Variants in FAT4 observed in about 807,000 individuals in gnomAD.
FAT4 encodes protocadherin Fat 4.
A neutral mutation model predicts 303.9 loss-of-function variants in FAT4; 84 were observed. That is an observed-to-expected ratio of 0.28 (90% CI 0.23 to 0.33). FAT4 has a LOEUF of 0.33. FAT4 is among the 10% of genes least tolerant of loss of function. The pLI is 1.00. For missense variants in FAT4, 6,005 were observed against 6,146.8 expected (o/e 0.98, Z 0.77); for synonymous variants, 2,307 against 2,298.8 (o/e 1.00, Z -0.10).
chr4:125,365,122 C>T (rs1361886097), intron 2 of FAT4, among the ~76,000 whole-genome samples: 1 of 152,152 alleles, frequency 6.6e-6, no homozygotes, highest in African/African-American at 2.4e-5. Flanking sequence ...GGCTTAGTTT[C>T]TGCCTTGAGC....
At chr4:125,425,483 C>A (rs1036171778) in intron 7 of FAT4, among the ~76,000 whole-genome samples, 1 of 152,006 alleles carries the variant, frequency 6.6e-6, no homozygotes, top group African/African-American at 2.4e-5. Context: ...GTTTAGGAAG[C>A]AAAAAATCTT....
At chr4:125,453,667 C>G (rs1349380127) in intron 10 of FAT4, among the ~76,000 whole-genome samples, 2 of 151,162 alleles carry the variant, frequency 1.3e-5, no homozygotes, top group East Asian at 3.9e-4. Flanking sequence ...GATCGCGTCA[C>G]TGCACTCCAG....
Position 125,320,843 on chromosome 4 carries a change from A to C in FAT4, c.4432A>C (p.Ile1478Leu), listed in dbSNP as rs200565115. 275 of 1,614,074 alleles carry C rather than the reference A, an allele frequency of 1.7e-4. No homozygotes were observed. The highest frequency in any genetic ancestry group is 1.1e-4 in the Non-Finnish European group (131 of 1,180,012). The change falls in exon 2 of 18, where the codon ATA becomes CTA. Residue 1478 changes from isoleucine (I) to leucine (L), a missense_variant. Coordinates refer to ENST00000394329, the MANE Select transcript of FAT4 (RefSeq NM_001291303.3). Reference protein sequence around the residue: ...HFTIDEVKGTIYTNAEIDREF... With the variant: ...HFTIDEVKGTLYTNAEIDREF... ...TACCATAGATGAAGTCAAAGGGACT[A>C]TATATACTAATGCTGAAATAGATCG...
chr4:125,428,481 A>G (rs1333110295), intron 7 of FAT4, among the ~76,000 whole-genome samples: 1 of 152,138 alleles, frequency 6.6e-6, no homozygotes, highest in East Asian at 1.9e-4. Flanking sequence ...TGGAAGATTA[A>G]CCTGTGCACA....
At chr4:125,463,531 A>G (rs1256363515) in intron 10 of FAT4, 32 bp from the exon 11 acceptor site, 6 of 1,382,274 alleles carry the variant, frequency 4.3e-6, no homozygotes, top group Non-Finnish European at 5.0e-6. Flanking sequence ...TATGTATGAG[A>G]TTTAAAAAAA....
chr4:125,352,335 C>G (rs1732257940), intron 2 of FAT4, among the ~76,000 whole-genome samples: 1 of 151,528 alleles, frequency 6.6e-6, no homozygotes, highest in Non-Finnish European at 1.5e-5. Flanking sequence ...ACTTCTCACC[C>G]TCTTCACCAT....
At position 125,434,283 on chromosome 4, in the gene FAT4, A is replaced by G. The variant is rs1428522425; in HGVS notation, c.7057A>G (p.Ile2353Val). The change falls in exon 8 of 18, where the codon ATA becomes GTA. Residue 2353 changes from isoleucine (I) to valine (V), a missense_variant. Physicochemically the swap from Ile to Val is conservative, Grantham distance 29. Transcript: ENST00000394329. ...ALTGTGTINV[I>V]VDDVNDNVPT... Reference sequence around the variant, plus strand: ...GACTGGAACTGGAACAATCAACGTCATAGTAGATGATGTCAATGACAATGT... The same window carrying G: ...GACTGGAACTGGAACAATCAACGTCGTAGTAGATGATGTCAATGACAATGT... 1 of 1,614,014 alleles carries G rather than the reference A, an allele frequency of 6.2e-7. No individual in the cohort carries two copies. The highest frequency in any genetic ancestry group is 1.1e-5 in the South Asian group (1 of 91,072).
Position 125,316,761 on chromosome 4 carries a change from A to T in FAT4, c.350A>T (p.Tyr117Phe), listed in dbSNP as rs371791194. The T allele has an allele frequency of 1.4e-5, 23 of 1,613,458 alleles. No homozygotes were observed. Among genetic ancestry groups the T allele is most frequent in the Non-Finnish European group, 1.9e-5 (23 of 1,179,924 alleles). Residue 117 changes from tyrosine to phenylalanine, a missense_variant, in exon 2 of 18, where the codon TAC becomes TTC. Coordinates refer to ENST00000394329, the MANE Select transcript of FAT4 (RefSeq NM_001291303.3). The surrounding 1 kb of genome is among the most constrained non-coding windows in gnomAD (Gnocchi z 5.7). ...NLVVLSSAPT[Y>F]PTEVRVLVRD... ...GTGGTCCTTTCCAGCGCGCCCACCT[A>T]CCCCACCGAAGTGCGAGTGCTGGTG...
At chr4:125,341,529 T>A (rs1201764738) in intron 2 of FAT4, among the ~76,000 whole-genome samples, 1 of 152,086 alleles carries the variant, frequency 6.6e-6, no homozygotes, top group Non-Finnish European at 1.5e-5. Context: ...AAAATAGAAT[T>A]TTTTATTTTT....
At chr4:125,351,710 T>C (rs1732233242) in intron 2 of FAT4, among the ~76,000 whole-genome samples, 1 of 151,726 alleles carries the variant, frequency 6.6e-6, no homozygotes, top group Non-Finnish European at 1.5e-5. Context: ...AGGCAGAATT[T>C]TGTTTTGATT....
intron 11 of FAT4, among the ~76,000 whole-genome samples, chr4:125,467,574 C>T (rs1332809520): frequency 1.3e-5 from 2 of 152,182 alleles, no homozygotes; most frequent in Non-Finnish European, 2.9e-5. Context: ...GGAATGCTGA[C>T]TTTCAGAAAA....
rs1734720424 is a variant in FAT4 at position 125,408,637 on chromosome 4, TG to T, written c.5768del (p.Gly1923AspfsTer13). The T allele has an allele frequency of 6.8e-6, 11 of 1,611,562 alleles. No homozygotes were observed. The highest frequency in any genetic ancestry group is 9.3e-6 in the Non-Finnish European group (11 of 1,178,210). ...YILTVRAEDG[G>X]GQFTTIRVYF... The stretch of plus-strand genomic sequence containing the variant: ...TCCTCACTGTTCGAGCAGAAGATGG[TG>T]GGGGACAATTTACTACCATCAGAGT... On this transcript the variant is annotated frameshift_variant, in exon 5 of 18. Coordinates refer to ENST00000394329, the MANE Select transcript of FAT4 (RefSeq NM_001291303.3). LOFTEE classifies it high-confidence loss of function.
intron 10 of FAT4, among the ~76,000 whole-genome samples, chr4:125,457,080 T>G (rs962669107): frequency 6.6e-6 from 1 of 151,704 alleles, no homozygotes; most frequent in Non-Finnish European, 1.5e-5. Flanking sequence ...AACTTTCTGC[T>G]TAAAATAATC....
intron 7 of FAT4, among the ~76,000 whole-genome samples, chr4:125,429,097 C>G (rs1483415330): frequency 6.6e-6 from 1 of 152,094 alleles, no homozygotes; most frequent in African/African-American, 2.4e-5. Flanking sequence ...TAATTGGGAC[C>G]TTCTGTTTCT....
At position 125,443,447 on chromosome 4, in the gene FAT4, A is replaced by G. The variant is rs183452562; in HGVS notation, c.7200-2846A>G. 2.6e-5 allele frequency among the ~76,000 whole-genome samples: 4 copies of G among 152,246 alleles called. No individual in the cohort carries two copies. The East Asian group carries it at 5.8e-4, about 22-fold the overall frequency. On this transcript the variant is annotated intron_variant, in intron 8 of 17. Coordinates refer to ENST00000394329, the MANE Select transcript of FAT4 (RefSeq NM_001291303.3). ...TTTACCTTCCTTCTACTGTGGAATA[A>G]TGGGAAAAGTGCATGGTGAAGTCAT... is the stretch of plus-strand genomic sequence containing the variant.
chr4:125,355,691 T>C (rs1048322916), intron 2 of FAT4, among the ~76,000 whole-genome samples: 3 of 152,054 alleles, frequency 2.0e-5, no homozygotes, highest in African/African-American at 7.2e-5. Context: ...TCTGGTGATG[T>C]AGAGGTGGTA....
rs897601372 is a variant in FAT4, at chr4:125,478,990, ATTC to A, written c.12480-742_12480-740del. On this transcript the variant is annotated intron_variant, in intron 14 of 17. Coordinates refer to ENST00000394329, the MANE Select transcript of FAT4 (RefSeq NM_001291303.3). ...CTTCACTTCCTGAACATATCTAACTATTCTTCTTCTTGTGCCCTGAGCTCCAAC... is the reference window on the plus strand; with the variant it reads ...CTTCACTTCCTGAACATATCTAACTATTCTTCTTGTGCCCTGAGCTCCAAC... Among the ~76,000 whole-genome samples, 7 of 152,146 alleles carry A rather than the reference ATTC, an allele frequency of 4.6e-5. No homozygotes were observed. In the East Asian group the frequency reaches 7.8e-4, roughly 17 times the overall value.
intron 2 of FAT4, among the ~76,000 whole-genome samples, chr4:125,371,146 C>T (rs1265389219): frequency 1.1e-5 from 1 of 91,740 alleles, no homozygotes; most frequent in East Asian, 2.7e-4. Flanking sequence ...TAAACTCCAT[C>T]TCAAAAAAAA....
intron 2 of FAT4, among the ~76,000 whole-genome samples, chr4:125,373,760 T>C (rs1377891008): frequency 1.3e-5 from 2 of 152,148 alleles, no homozygotes; most frequent in African/African-American, 4.8e-5. Flanking sequence ...CAAAACAATT[T>C]TCCAGGGTCA....
Sources: gnomAD v4.1 joint callset for allele counts (sites outside exome capture counted in the v4.1 genomes callset) on GRCh38, gnomAD v4.1.1 for gene constraint, Gnocchi (gnomAD v3.1) non-coding constraint, MANE v1.5 for transcripts, NCBI Gene and HGNC (gene_info 2026-07-23, HGNC 2026-07-21) for gene names.